DGKB: variants seen among roughly 807,000 people sequenced by gnomAD.
The protein encoded by DGKB is diacylglycerol kinase beta.
A neutral mutation model predicts 114.3 loss-of-function variants in DGKB; 67 were observed. The observed-to-expected ratio is 0.59, with a 90% CI of 0.48 to 0.72. The LOEUF is 0.72. Among genes scored for constraint, DGKB ranks in the 30% least tolerant of loss-of-function variants. The pLI, the probability that DGKB is intolerant of heterozygous loss-of-function variation, is 0.00. For missense variants in DGKB, 907 were observed against 975.2 expected, an observed-to-expected ratio of 0.93 and a Z score of 0.93; for synonymous variants, 398 against 323.1, an observed-to-expected ratio of 1.23 and a Z score of -2.49.
intron 2 of DGKB, among the ~76,000 whole-genome samples, chr7:14,817,373 G>A (rs915937159): frequency 1.3e-5 from 2 of 152,094 alleles, no homozygotes; most frequent in African/African-American, 4.8e-5. Flanking sequence ...TCAAAATTTG[G>A]TTTTAGTTTG....
chr7:14,899,558 A>G (rs145296372), intron 1 of DGKB, among the ~76,000 whole-genome samples: 49 of 152,094 alleles, frequency 3.2e-4, no homozygotes, highest in African/African-American at 1.2e-3. Flanking sequence ...TTTTCTTTTT[A>G]TACCTCTCTG....
intron 21 of DGKB, among the ~76,000 whole-genome samples, chr7:14,429,928 C>CG (rs150694131): frequency 0.11 from 17,259 of 151,714 alleles, 1,183 homozygotes; most frequent in East Asian, 0.29. Flanking sequence ...CTCTGTCCCC[C>CG]CCCCCAAAAA....
At chr7:14,647,721 C>T (rs1813360809) in intron 13 of DGKB, among the ~76,000 whole-genome samples, 1 of 152,182 alleles carries the variant, frequency 6.6e-6, no homozygotes, top group African/African-American at 2.4e-5. Context: ...TCTGCATTTC[C>T]ATCTGAGGTA....
intron 2 of DGKB, among the ~76,000 whole-genome samples, chr7:14,835,389 C>T (rs1187804787): frequency 1.3e-5 from 2 of 152,164 alleles, no homozygotes; most frequent in Non-Finnish European, 2.9e-5. Flanking sequence ...ATCAGCAAGG[C>T]AACTCCATGA....
In DGKB at chr7:14,188,136, T is replaced by C. The variant is rs1235168462; in HGVS notation, c.2123-9985A>G. On this transcript the variant is annotated intron_variant, in intron 23 of 25. Transcript: ENST00000402815. The stretch of plus-strand genomic sequence containing the variant: ...ATTTATGAACTTGAAGACAGATCTT[T>C]TGAAATAGCCCAGCCAGAGGAGGGG... Among the ~76,000 whole-genome samples the C allele has an allele frequency of 3.9e-5, 6 of 151,952 alleles. No homozygotes were observed. In the East Asian group the frequency reaches 1.2e-3, roughly 29 times the overall value.
chr7:14,163,647 G>A lies in DGKB; in HGVS notation c.2304+13192C>T, dbSNP rs370916606. On this transcript the variant is annotated intron_variant, in intron 25 of 25. Coordinates refer to ENST00000402815, the MANE Select transcript of DGKB (RefSeq NM_001350709.2). Reference sequence around the variant, plus strand: ...TGCTCATGCCAGTATGTTTCAAGGGGGCAGAAGACTATTAATTTTCTCTCT... The same window carrying A: ...TGCTCATGCCAGTATGTTTCAAGGGAGCAGAAGACTATTAATTTTCTCTCT... Among the ~76,000 whole-genome samples, 383 of 152,158 alleles carry A rather than the reference G, an allele frequency of 2.5e-3. 20 individuals are homozygous for A. The South Asian group carries it at 0.076, about 30-fold the overall frequency.
intron 1 of DGKB, among the ~76,000 whole-genome samples, chr7:14,969,809 G>A (rs1047864383): frequency 1.3e-5 from 2 of 152,146 alleles, no homozygotes; most frequent in Non-Finnish European, 2.9e-5. Flanking sequence ...CTGCAAAACT[G>A]TATAACACAT....
intron 1 of DGKB, among the ~76,000 whole-genome samples, chr7:14,878,537 A>G (rs973939252): frequency 6.6e-6 from 1 of 152,174 alleles, no homozygotes; most frequent in South Asian, 2.1e-4. Flanking sequence ...CAAGGTCAGG[A>G]AATGGAGACC....
chr7:14,327,212 T>G (rs1808897548), intron 23 of DGKB, among the ~76,000 whole-genome samples: 1 of 152,182 alleles, frequency 6.6e-6, no homozygotes, highest in Non-Finnish European at 1.5e-5. Flanking sequence ...AGTTCCTTTT[T>G]GATTGCTGAC....
At chr7:14,222,283 A>T (rs1461083456) in intron 23 of DGKB, among the ~76,000 whole-genome samples, 1 of 150,918 alleles carries the variant, frequency 6.6e-6, no homozygotes, top group Non-Finnish European at 1.5e-5. Flanking sequence ...CTTAATGCTT[A>T]CATTTAGTGC....
chr7:14,670,171 C>T (rs959675771), intron 13 of DGKB, among the ~76,000 whole-genome samples: 1 of 151,914 alleles, frequency 6.6e-6, no homozygotes, highest in Non-Finnish European at 1.5e-5. Flanking sequence ...AGCAAATTAA[C>T]ATAACCATCT....
At chr7:14,428,538 T>C (rs1371366931) in intron 21 of DGKB, among the ~76,000 whole-genome samples, 1 of 152,306 alleles carries the variant, frequency 6.6e-6, no homozygotes, top group Non-Finnish European at 1.5e-5. Context: ...AGCCTGCTCC[T>C]TCCTCCCTTT....
chr7:14,877,325 G>A (rs1164193928), intron 1 of DGKB, among the ~76,000 whole-genome samples: 2 of 152,180 alleles, frequency 1.3e-5, no homozygotes, highest in Non-Finnish European at 2.9e-5. Context: ...GGAGGCTGAG[G>A]CTGGCGGATC....
intron 20 of DGKB, among the ~76,000 whole-genome samples, chr7:14,526,244 T>C (rs945653694): frequency 6.6e-6 from 1 of 152,132 alleles, no homozygotes; most frequent in Admixed American, 6.6e-5. Flanking sequence ...TGAGCCGGAT[T>C]CTTCGTTGTT....
intron 1 of DGKB, among the ~76,000 whole-genome samples, chr7:14,951,349 C>T (rs1786190937): frequency 6.6e-6 from 1 of 151,802 alleles, no homozygotes; most frequent in Non-Finnish European, 1.5e-5. Flanking sequence ...TGGACAAAGC[C>T]ACATAAAGAC....
intron 1 of DGKB, among the ~76,000 whole-genome samples, chr7:14,858,773 G>C (rs979555479): frequency 6.6e-6 from 1 of 152,094 alleles, no homozygotes; most frequent in East Asian, 1.9e-4. Flanking sequence ...TAGAGACAAA[G>C]TAAATCATCA....
rs117388775 is a variant in DGKB, at chr7:14,158,320, C to T, written c.2305-9082G>A. On this transcript the variant is annotated intron_variant, in intron 25 of 25. Coordinates refer to ENST00000402815, the MANE Select transcript of DGKB (RefSeq NM_001350709.2). ...GCATATTATGGCCATCTGCCTTCTC[C>T]CTGTGGCACCTGGCAGCATTCCCGC... Among the ~76,000 whole-genome samples, 479 of 152,266 alleles carry T rather than the reference C, an allele frequency of 3.1e-3. 3 individuals carry two copies. The highest frequency in any genetic ancestry group is 5.6e-3 in the Non-Finnish European group (379 of 68,026).
intron 23 of DGKB, among the ~76,000 whole-genome samples, chr7:14,236,380 A>T (rs2057970): frequency 6.6e-6 from 1 of 151,190 alleles, no homozygotes; most frequent in African/African-American, 2.4e-5. Flanking sequence ...AAAAAAAGGA[A>T]AATTAATAGC....
intron 23 of DGKB, among the ~76,000 whole-genome samples, chr7:14,333,844 G>A (rs1810175695): frequency 1.3e-5 from 2 of 152,098 alleles, no homozygotes; most frequent in Non-Finnish European, 2.9e-5. Flanking sequence ...AATGATACTT[G>A]CTGTATCATT....
Sources: allele counts gnomAD v4.1 joint callset (sites outside exome capture counted in the v4.1 genomes callset), GRCh38; gene constraint gnomAD v4.1.1; transcripts MANE v1.5; gene names NCBI Gene and HGNC (gene_info 2026-07-23, HGNC 2026-07-21).